GALNT13: variants seen among roughly 807,000 people sequenced by gnomAD.
The protein encoded by GALNT13 is UDP-GalNAc:polypeptide N-acetylgalactosaminyltransferase 13.
GALNT13 carries 28 observed loss-of-function variants against 64.2 expected under a neutral mutation model. That is an observed-to-expected ratio of 0.44 (90% CI 0.32 to 0.60). The LOEUF (loss-of-function observed/expected upper bound fraction) is 0.60, where lower values mean the gene tolerates loss of function less well. Among genes scored for constraint, GALNT13 ranks in the 20% least tolerant of loss-of-function variants. GALNT13 has a pLI of 0.05. For missense variants in GALNT13, 577 were observed against 669.8 expected, an observed-to-expected ratio of 0.86 and a Z score of 1.53; for synonymous variants, 214 against 224.6, an observed-to-expected ratio of 0.95 and a Z score of 0.42.
intron 4 of GALNT13, among the ~76,000 whole-genome samples, chr2:154,145,566 T>A (rs1683542752): frequency 6.6e-6 from 1 of 151,942 alleles, no homozygotes; most frequent in Non-Finnish European, 1.5e-5. Flanking sequence ...ATATTTTTCA[T>A]CAGGAAAAAA....
the GALNT13 span, among the ~76,000 whole-genome samples, chr2:153,192,462 G>T: frequency 2.6e-5 from 4 of 151,896 alleles, no homozygotes; most frequent in Admixed American, 2.6e-4. Flanking sequence ...GTGGTCTATC[G>T]TAATGTTCCA....
chr2:154,264,515 T>A (rs532543470), intron 8 of GALNT13, among the ~76,000 whole-genome samples: 6 of 149,396 alleles, frequency 4.0e-5, no homozygotes, highest in Admixed American at 4.0e-4. Context: ...TGGACTCCTG[T>A]AATCCCAGCA....
At chr2:153,963,972 C>A (rs1041242661) in intron 3 of GALNT13, among the ~76,000 whole-genome samples, 2 of 151,904 alleles carry the variant, frequency 1.3e-5, no homozygotes, top group African/African-American at 4.8e-5. Flanking sequence ...TTTTCCAATG[C>A]CAAGGCCATG....
chr2:154,206,990 A>G (rs1308894144), intron 4 of GALNT13, among the ~76,000 whole-genome samples: 1 of 152,124 alleles, frequency 6.6e-6, no homozygotes, highest in Non-Finnish European at 1.5e-5. Context: ...TGATAATTTC[A>G]ACAATCTCCT....
At chr2:153,703,345 A>G in the GALNT13 span, among the ~76,000 whole-genome samples, 4 of 152,140 alleles carry the variant, frequency 2.6e-5, no homozygotes, top group East Asian at 1.9e-4. Flanking sequence ...TCATAAGGGT[A>G]TAAGTGTTAT....
chr2:154,245,275 ATTTACT>A (rs1350252173), intron 6 of GALNT13, among the ~76,000 whole-genome samples: 1 of 152,020 alleles, frequency 6.6e-6, no homozygotes, highest in Non-Finnish European at 1.5e-5. Flanking sequence ...CATCGGAAAC[ATTTACT>A]TATACTGACG....
chr2:153,741,401 C>T, the GALNT13 span, among the ~76,000 whole-genome samples: 5 of 152,054 alleles, frequency 3.3e-5, no homozygotes, highest in Admixed American at 2.0e-4. Flanking sequence ...TTTCTTCAAT[C>T]GCTCTTATTA....
chr2:154,202,554 C>CATTA (rs775187876), intron 4 of GALNT13, among the ~76,000 whole-genome samples: 13 of 152,046 alleles, frequency 8.6e-5, no homozygotes, highest in Non-Finnish European at 1.6e-4. Context: ...GAAAATAATA[C>CATTA]ATTAGAAGGC....
At position 153,980,855 on chromosome 2, in the gene GALNT13, A is replaced by G. The variant is rs549529478; in HGVS notation, c.142+36216A>G. 2.6e-5 allele frequency among the ~76,000 whole-genome samples: 4 copies of G among 152,286 alleles called. No homozygotes were observed. In the East Asian group the frequency reaches 7.7e-4, roughly 29 times the overall value. On this transcript the variant is annotated intron_variant, in intron 3 of 12. Coordinates refer to ENST00000392825, the MANE Select transcript of GALNT13 (RefSeq NM_052917.4). ...TGCAAGCTTTGTTTCTTAAAGCCGT[A>G]AGGTATCGTGAAGGTGGCTCAGAAT... is the stretch of plus-strand genomic sequence containing the variant.
chr2:153,864,493 T>C, the GALNT13 span, among the ~76,000 whole-genome samples: 1 of 152,164 alleles, frequency 6.6e-6, no homozygotes, highest in Admixed American at 6.6e-5. Flanking sequence ...AGAATGCTTG[T>C]GATTTTTGCA....
At chr2:154,380,670 T>C (rs1369376135) in intron 9 of GALNT13, among the ~76,000 whole-genome samples, 2 of 151,976 alleles carry the variant, frequency 1.3e-5, no homozygotes, top group African/African-American at 4.8e-5. Context: ...TGTACAAATA[T>C]GTGTACTAAA....
chr2:153,665,506 A>G, the GALNT13 span, among the ~76,000 whole-genome samples: 1 of 152,122 alleles, frequency 6.6e-6, no homozygotes. Context: ...CCTATCTAGC[A>G]TAGAATGTAT....
chr2:154,139,349 A>AT (rs67860806), intron 3 of GALNT13, among the ~76,000 whole-genome samples: 10 of 151,516 alleles, frequency 6.6e-5, no homozygotes, highest in East Asian at 3.9e-4. Flanking sequence ...TATAGTCCTT[A>AT]TTTTTTTTCA....
chr2:153,402,518 C>A, the GALNT13 span, among the ~76,000 whole-genome samples: 2,645 of 151,610 alleles, frequency 0.017, 74 homozygotes, highest in African/African-American at 0.06. Flanking sequence ...TATCCTGCAG[C>A]GTGTTTTCCA....
At chr2:153,440,677 T>C in the GALNT13 span, among the ~76,000 whole-genome samples, 1 of 152,238 alleles carries the variant, frequency 6.6e-6, no homozygotes, top group African/African-American at 2.4e-5. Flanking sequence ...ATTGTGGTTT[T>C]GATTTGCAGT....
At chr2:154,084,568 C>A (rs1242928534) in intron 3 of GALNT13, among the ~76,000 whole-genome samples, 1 of 151,888 alleles carries the variant, frequency 6.6e-6, no homozygotes. Flanking sequence ...CTAATGCTTT[C>A]ACTTGCCTCT....
the GALNT13 span, among the ~76,000 whole-genome samples, chr2:153,470,684 C>T: frequency 6.6e-6 from 1 of 152,226 alleles, no homozygotes; most frequent in Non-Finnish European, 1.5e-5. Flanking sequence ...TTAAAATTAG[C>T]TTAAGCTAGA....
chr2:154,413,611 C>T (rs548009929), intron 11 of GALNT13, among the ~76,000 whole-genome samples: 2 of 152,048 alleles, frequency 1.3e-5, no homozygotes, highest in Middle Eastern at 3.4e-3. Context: ...TCTAGACATA[C>T]GTCTCATGAT....
At chr2:154,400,619 A>G (rs1194488089) in intron 10 of GALNT13, among the ~76,000 whole-genome samples, 2 of 152,154 alleles carry the variant, frequency 1.3e-5, no homozygotes, top group Admixed American at 6.5e-5. Flanking sequence ...CAAGTAATTG[A>G]AATATTACTT....
Sources: allele counts gnomAD v4.1 joint callset (sites outside exome capture counted in the v4.1 genomes callset), GRCh38; gene constraint gnomAD v4.1.1; transcripts MANE v1.5; gene names NCBI Gene and HGNC (gene_info 2026-07-23, HGNC 2026-07-21).